Variants in DTNB observed in about 807,000 individuals in gnomAD.
DTNB encodes DTN-B.
DTNB carries 63 observed loss-of-function variants against 90.7 expected under a neutral mutation model. The ratio of observed to expected loss-of-function variants is 0.69; its 90% CI spans 0.57 to 0.86. The LOEUF (loss-of-function observed/expected upper bound fraction) is 0.86, where lower values mean the gene tolerates loss of function less well. Ranked by LOEUF, DTNB falls within the 40% of genes least tolerant of loss-of-function variation. The pLI, the probability that DTNB is intolerant of heterozygous loss-of-function variation, is 0.00. For synonymous variants in DTNB, 277 were observed against 286.7 expected, an observed-to-expected ratio of 0.97 and a Z score of 0.34; for missense variants, 744 against 807.1, an observed-to-expected ratio of 0.92 and a Z score of 0.95.
rs571940435 is a variant in DTNB, at chr2:25,523,232, C to T, written c.1001+8241G>A. On this transcript the variant is annotated intron_variant, in intron 9 of 20. Coordinates refer to ENST00000406818, the MANE Select transcript of DTNB (RefSeq NM_021907.5). ...ATTTGCAAACACTCAAACCTATTTGCAAATGCACAAAGTACTATGTGAACA... is the reference window on the plus strand; with the variant it reads ...ATTTGCAAACACTCAAACCTATTTGTAAATGCACAAAGTACTATGTGAACA... 5.8e-4 allele frequency among the ~76,000 whole-genome samples: 87 copies of T among 149,862 alleles called. 1 individual carries two copies. The South Asian group carries it at 0.018, about 32-fold the overall frequency.
intron 18 of DTNB, among the ~76,000 whole-genome samples, chr2:25,384,595 G>C (rs759377823): frequency 6.6e-6 from 1 of 152,156 alleles, no homozygotes; most frequent in Non-Finnish European, 1.5e-5. Context: ...GAAGGAATTG[G>C]GTGTAGCAGT....
At chr2:25,452,209 T>G (rs2059385738) in intron 11 of DTNB, among the ~76,000 whole-genome samples, 1 of 152,186 alleles carries the variant, frequency 6.6e-6, no homozygotes, top group African/African-American at 2.4e-5. Context: ...TTAATTAGTT[T>G]AATGCATTAC....
chr2:25,465,196 G>A (rs1428010716), intron 10 of DTNB, among the ~76,000 whole-genome samples: 1 of 152,098 alleles, frequency 6.6e-6, no homozygotes, highest in Non-Finnish European at 1.5e-5. Flanking sequence ...CTAACACAGT[G>A]AAACCCTGTC....
chr2:25,627,742 T>TC (rs2074576080), intron 4 of DTNB, among the ~76,000 whole-genome samples: 1 of 151,416 alleles, frequency 6.6e-6, no homozygotes, highest in South Asian at 2.1e-4. Context: ...TTTCCTTTTT[T>TC]TTTTTTTTTT....
chr2:25,412,835 G>C (rs903556610), intron 16 of DTNB, among the ~76,000 whole-genome samples: 8 of 152,190 alleles, frequency 5.3e-5, no homozygotes, highest in Middle Eastern at 3.2e-3. Context: ...ACTGTTTCCA[G>C]ACTAGGATTG....
intron 5 of DTNB, among the ~76,000 whole-genome samples, chr2:25,597,404 T>C (rs1229690247): frequency 6.6e-6 from 1 of 152,174 alleles, no homozygotes; most frequent in Admixed American, 6.5e-5. Flanking sequence ...AGTAGAGATC[T>C]ATACCTATTT....
chr2:25,395,330 A>G (rs2149592784), intron 16 of DTNB, among the ~76,000 whole-genome samples: 1 of 152,260 alleles, frequency 6.6e-6, no homozygotes, highest in Middle Eastern at 3.4e-3. Flanking sequence ...CCACTAACAA[A>G]CTTATTCATG....
intron 8 of DTNB, among the ~76,000 whole-genome samples, chr2:25,546,722 A>C: frequency 6.6e-6 from 1 of 152,176 alleles, no homozygotes; most frequent in African/African-American, 2.4e-5. Flanking sequence ...TGTTGTTGTT[A>C]TGTTTAATCC....
intron 2 of DTNB, chr2:25,649,996 T>C (rs113876752): frequency 0.016 from 15,307 of 983,878 alleles, 124 homozygotes; most frequent in South Asian, 0.025. Context: ...TGAAGAAATA[T>C]AGGAGACTCA....
At chr2:25,472,044 A>G (rs2062912804) in intron 10 of DTNB, among the ~76,000 whole-genome samples, 1 of 152,198 alleles carries the variant, frequency 6.6e-6, no homozygotes, top group African/African-American at 2.4e-5. Context: ...CTGAAAAAGA[A>G]AATCCCTTTC....
intron 9 of DTNB, among the ~76,000 whole-genome samples, chr2:25,516,499 C>T (rs2075150194): frequency 6.6e-6 from 1 of 152,002 alleles, no homozygotes; most frequent in Admixed American, 6.5e-5. Context: ...GCAATCCTCC[C>T]ACCCCAGACT....
intron 10 of DTNB, among the ~76,000 whole-genome samples, chr2:25,461,975 C>T (rs1020420443): frequency 3.3e-5 from 5 of 152,198 alleles, no homozygotes; most frequent in African/African-American, 1.2e-4. Context: ...AAGGCATCCC[C>T]TAGCTCTAAG....
rs899910127 is a variant in DTNB at position 25,387,940 on chromosome 2, G to A, written c.1735+262C>T. Among the ~76,000 whole-genome samples, 1 of 152,224 alleles carries A rather than the reference G, an allele frequency of 6.6e-6. No homozygotes were observed. The highest frequency in any genetic ancestry group is 2.4e-5 in the African/African-American group (1 of 41,462). ...GAGGAGACAAAGCCCAAAGGACAAAGCACTTCCAATAATCCAGAAAAAAGG... is the reference window on the plus strand; with the variant it reads ...GAGGAGACAAAGCCCAAAGGACAAAACACTTCCAATAATCCAGAAAAAAGG... On this transcript the variant is annotated intron_variant, in intron 17 of 20. Coordinates refer to ENST00000406818, the MANE Select transcript of DTNB (RefSeq NM_021907.5). The surrounding 1 kb of genome is among the most constrained non-coding windows in gnomAD (Gnocchi z 4.5).
At chr2:25,442,207 A>T (rs2057566666) in intron 12 of DTNB, among the ~76,000 whole-genome samples, 1 of 152,254 alleles carries the variant, frequency 6.6e-6, no homozygotes, top group Non-Finnish European at 1.5e-5. Flanking sequence ...GGCAGATTAC[A>T]GAGAGGAATC....
chr2:25,610,866 T>G (rs1236715431), intron 4 of DTNB, among the ~76,000 whole-genome samples: 2 of 152,158 alleles, frequency 1.3e-5, no homozygotes, highest in Non-Finnish European at 2.9e-5. Flanking sequence ...CACACCACCA[T>G]GCCCAGATAA....
intron 10 of DTNB, among the ~76,000 whole-genome samples, chr2:25,479,578 C>A (rs973865704): frequency 6.6e-6 from 1 of 152,124 alleles, no homozygotes; most frequent in Non-Finnish European, 1.5e-5. Context: ...GAGGGCAAAT[C>A]CCTACAGTAG....
intron 9 of DTNB, among the ~76,000 whole-genome samples, chr2:25,503,571 T>C (rs1238083063): frequency 1.3e-5 from 2 of 152,096 alleles, no homozygotes; most frequent in East Asian, 3.9e-4. Context: ...AAGATCAATA[T>C]TACAAAATTC....
intron 6 of DTNB, among the ~76,000 whole-genome samples, chr2:25,591,277 C>CAACTGAGAAT (rs2063527852): frequency 6.6e-5 from 10 of 152,182 alleles, no homozygotes; most frequent in Admixed American, 5.2e-4. Flanking sequence ...CAGCTGCGCC[C>CAACTGAGAAT]AGGGAAGGCG....
intron 8 of DTNB, among the ~76,000 whole-genome samples, chr2:25,566,426 C>T (rs1464250492): frequency 1.3e-5 from 2 of 152,192 alleles, no homozygotes; most frequent in African/African-American, 4.8e-5. Context: ...CTTACAAAAA[C>T]GGAGACAATA....
Sources: gnomAD v4.1 joint callset for allele counts (sites outside exome capture counted in the v4.1 genomes callset) on GRCh38, gnomAD v4.1.1 for gene constraint, Gnocchi (gnomAD v3.1) non-coding constraint, MANE v1.5 for transcripts, NCBI Gene and HGNC (gene_info 2026-07-23, HGNC 2026-07-21) for gene names.